Variants in PRDM2 observed in about 807,000 individuals in gnomAD.
PRDM2 encodes PR/SET domain 2.
A neutral mutation model predicts 130.0 loss-of-function variants in PRDM2; 30 were observed. That is an observed-to-expected ratio of 0.23 (90% CI 0.17 to 0.31). PRDM2 has a LOEUF of 0.31. PRDM2 is among the 10% of genes least tolerant of loss of function. The probability of loss-of-function intolerance (pLI) is 1.00; values close to 1 mark genes in which losing one functional copy is unlikely to be tolerated. For missense variants in PRDM2, 2,011 were observed against 2,108.4 expected (o/e 0.95, Z 0.90); for synonymous variants, 871 against 782.4 (o/e 1.11, Z -1.89).
At position 13,715,542 on chromosome 1, in the gene PRDM2, G is replaced by T. The variant is rs1642506113; in HGVS notation, c.-64G>T. ...ACAATTGTCTGTTTTTCTTTTTAGGGTTCATGTAATCAAAGAAGTTTCTTT... is the reference window on the plus strand; with the variant it reads ...ACAATTGTCTGTTTTTCTTTTTAGGTTTCATGTAATCAAAGAAGTTTCTTT... On this transcript the variant is annotated splice_region_variant and 5_prime_UTR_variant, in exon 2 of 10. Coordinates refer to ENST00000311066, the MANE Select transcript of PRDM2 (RefSeq NM_001393986.1). 4 of 1,434,514 alleles carry T rather than the reference G, an allele frequency of 2.8e-6. No homozygotes were observed. Among genetic ancestry groups the T allele is most frequent in the Admixed American group, 2.3e-5 (1 of 42,790 alleles). 88.9% of individuals were successfully genotyped at this position (1,434,514 alleles called of 1,614,324 possible).
chr1:13,819,776 C>T (rs1004000384), intron 9 of PRDM2, among the ~76,000 whole-genome samples: 6 of 152,182 alleles, frequency 3.9e-5, no homozygotes, highest in African/African-American at 1.4e-4. Context: ...TGTGTCCTCA[C>T]GTGGCGGGGG....
At chr1:13,743,244 C>T (rs537524148) in intron 5 of PRDM2, among the ~76,000 whole-genome samples, 1 of 151,704 alleles carries the variant, frequency 6.6e-6, no homozygotes, top group Non-Finnish European at 1.5e-5. Flanking sequence ...CTAAAAAATA[C>T]AAAAAATAAG....
chr1:13,801,399 A>G (rs1645004768), intron 8 of PRDM2, among the ~76,000 whole-genome samples: 1 of 152,130 alleles, frequency 6.6e-6, no homozygotes, highest in Non-Finnish European at 1.5e-5. Context: ...GTAGATGACA[A>G]CCTGTCTCCT....
intron 1 of PRDM2, 123 bp downstream of exon 1, chr1:13,700,423 G>T (rs1642033549): frequency 6.7e-6 from 1 of 150,206 alleles, no homozygotes; most frequent in African/African-American, 2.4e-5. Flanking sequence ...AGGGATGGCC[G>T]GGTCGGCGGA....
intron 6 of PRDM2, among the ~76,000 whole-genome samples, chr1:13,763,269 A>G (rs1034056723): frequency 2.0e-5 from 3 of 152,250 alleles, no homozygotes; most frequent in African/African-American, 4.8e-5. Context: ...AACAGGAAAA[A>G]GAATATGGGG....
At chr1:13,794,699 G>C (rs1644894829) in intron 8 of PRDM2, among the ~76,000 whole-genome samples, 1 of 152,238 alleles carries the variant, frequency 6.6e-6, no homozygotes, top group African/African-American at 2.4e-5. Flanking sequence ...AACGTCAGCT[G>C]CTGTCAGCAT....
chr1:13,824,131 T>C lies in PRDM2; in HGVS notation c.*996T>C, dbSNP rs1278424252. The C allele has an allele frequency of 6.5e-6, 1 of 152,684 alleles. No homozygotes were observed. The highest frequency in any genetic ancestry group is 2.4e-5 in the African/African-American group (1 of 41,460). 9.5% of individuals were successfully genotyped at this position (152,684 alleles called of 1,614,324 possible). A position where few individuals can be genotyped will look rare whatever the true frequency, so the allele number is the denominator to read the frequency against. Reference sequence around the variant, plus strand: ...TGCTCTCTGGAGGACGGTCAGTCCATGTCTCGGAGAAACGGGTGAGCTGAG... The same window carrying C: ...TGCTCTCTGGAGGACGGTCAGTCCACGTCTCGGAGAAACGGGTGAGCTGAG... On this transcript the variant is annotated 3_prime_UTR_variant, in exon 10 of 10. Transcript: ENST00000311066.
intron 3 of PRDM2, 89 bp downstream of exon 3, chr1:13,731,206 G>T: frequency 9.8e-7 from 1 of 1,015,738 alleles, no homozygotes. Flanking sequence ...GGTAGGGAGC[G>T]CACCATAAAA....
chr1:13,786,851 G>A, intron 8 of PRDM2: 1 of 1,108,666 alleles, frequency 9.0e-7, no homozygotes, highest in Non-Finnish European at 1.1e-6. Context: ...TTGGCACGTA[G>A]CAGAGAAAGG....
chr1:13,810,993 G>GA (rs1645164010), intron 8 of PRDM2, among the ~76,000 whole-genome samples: 2 of 151,148 alleles, frequency 1.3e-5, no homozygotes, highest in Non-Finnish European at 2.9e-5. Context: ...AGACCAGCCT[G>GA]GCCAACATGG....
At chr1:13,758,446 CAA>C (rs373553025) in intron 6 of PRDM2, among the ~76,000 whole-genome samples, 30 of 73,814 alleles carry the variant, frequency 4.1e-4, no homozygotes, top group Middle Eastern at 0.01. Flanking sequence ...GACTTTGTCT[CAA>C]AAAAAAAAAA....
In PRDM2 at chr1:13,811,754, A is replaced by G. The variant is rs573826919; in HGVS notation, c.5037-4673A>G. 1.2e-4 allele frequency among the ~76,000 whole-genome samples: 19 copies of G among 152,364 alleles called. 1 individual carries two copies. In the South Asian group the frequency reaches 3.9e-3, roughly 32 times the overall value. ...GTGAGCAAAAGGCCCAGAAAGTCACAGAAAGACAGAAGGAAGACAGAAGGG... is the reference window on the plus strand; with the variant it reads ...GTGAGCAAAAGGCCCAGAAAGTCACGGAAAGACAGAAGGAAGACAGAAGGG... On this transcript the variant is annotated intron_variant, in intron 8 of 9. Transcript: ENST00000311066.
At chr1:13,745,448 A>G (rs761920730) in intron 5 of PRDM2, among the ~76,000 whole-genome samples, 4 of 149,306 alleles carry the variant, frequency 2.7e-5, no homozygotes, top group Non-Finnish European at 4.5e-5. Flanking sequence ...TTTTTGAGAC[A>G]GAGTTGTGCT....
chr1:13,767,954 TGACAGAGTGAGA>T (rs1644266488), intron 6 of PRDM2, among the ~76,000 whole-genome samples: 1 of 151,868 alleles, frequency 6.6e-6, no homozygotes, highest in Admixed American at 6.6e-5. Context: ...CTAGCCTGAA[TGACAGAGTGAGA>T]GACAGAGTAA....
intron 6 of PRDM2, chr1:13,772,358 A>G (rs1313365092): frequency 6.6e-6 from 1 of 152,230 alleles, no homozygotes; most frequent in African/African-American, 2.4e-5. Flanking sequence ...AACTTATGAG[A>G]ACGATGTTGC....
At chr1:13,707,998 G>A (rs1569663993) in intron 1 of PRDM2, among the ~76,000 whole-genome samples, 1 of 152,000 alleles carries the variant, frequency 6.6e-6, no homozygotes, top group Non-Finnish European at 1.5e-5. Context: ...CATGTTCAGT[G>A]GAATATGACT....
intron 8 of PRDM2, among the ~76,000 whole-genome samples, chr1:13,788,915 G>A (rs1000050586): frequency 7.9e-5 from 12 of 152,188 alleles, no homozygotes; most frequent in African/African-American, 2.4e-4. Flanking sequence ...TTTACATTCT[G>A]GATCATAGTT....
At position 13,749,392 on chromosome 1, in the gene PRDM2, G is replaced by C. The variant is rs754403875; in HGVS notation, c.416G>C (p.Trp139Ser). The C allele has an allele frequency of 1.0e-5, 15 of 1,501,520 alleles. 1 individual carries two copies. In the South Asian group the frequency reaches 1.7e-4, roughly 17 times the overall value. The allele number at this position is 1,501,520 out of a possible 1,614,324, so 93.0% of individuals were successfully genotyped here. The change falls in exon 6 of 10, where the codon TGG becomes TCG. Residue 139 changes from tryptophan to serine, a missense_variant. Around this residue, in one of 5 missense-constraint regions of PRDM2, gnomAD observed 1,288 missense variants for 1,237.7 expected, o/e 1.04. Coordinates refer to ENST00000311066, the MANE Select transcript of PRDM2 (RefSeq NM_001393986.1). ...GCGCCGGGCGAGGAGCTCCTGGTCT[G>C]GTACAATGGGGAAGACAACCCTGAG... is the stretch of plus-strand genomic sequence containing the variant. The part of the protein sequence containing the change: ...PIAPGEELLV[W>S]YNGEDNPEIA...
intron 1 of PRDM2, among the ~76,000 whole-genome samples, chr1:13,712,502 T>C (rs2100404585): frequency 6.6e-6 from 1 of 152,272 alleles, no homozygotes; most frequent in African/African-American, 2.4e-5. Context: ...CCTGACTGAC[T>C]TTCTTTCTTT....
Sources: allele counts gnomAD v4.1 joint callset (sites outside exome capture counted in the v4.1 genomes callset), GRCh38; gene constraint gnomAD v4.1.1; regional missense constraint gnomAD v4.1.1; transcripts MANE v1.5; gene names NCBI Gene and HGNC (gene_info 2026-07-23, HGNC 2026-07-21).